METAP1: variants seen among roughly 807,000 people sequenced by gnomAD.
METAP1 encodes the protein methionyl aminopeptidase 1.
METAP1 carries 28 observed loss-of-function variants against 53.8 expected under a neutral mutation model. That is an observed-to-expected ratio of 0.52 (90% confidence interval 0.39 to 0.71). The LOEUF is 0.71. Among genes scored for constraint, METAP1 ranks in the 30% least tolerant of loss-of-function variants. The pLI is 0.00. For missense variants in METAP1, 389 were observed against 479.8 expected (o/e 0.81, Z 1.77); for synonymous variants, 181 against 165.7 (o/e 1.09, Z -0.71).
At chr4:99,032,004 G>A (rs1725074992) in intron 2 of METAP1, among the ~76,000 whole-genome samples, 1 of 152,160 alleles carries the variant, frequency 6.6e-6, no homozygotes. Context: ...ACCATCATCA[G>A]CTCAATTCAG....
chr4:99,022,238 G>T, intron 1 of METAP1: 1 of 447,548 alleles, frequency 2.2e-6, no homozygotes, highest in Non-Finnish European at 3.6e-6. Flanking sequence ...TGCCTGGGTA[G>T]TCATGATCAT....
intron 4 of METAP1, among the ~76,000 whole-genome samples, 193 bp downstream of exon 4, chr4:99,035,653 A>G (rs1488965451): frequency 1.3e-5 from 2 of 152,152 alleles, no homozygotes; most frequent in Non-Finnish European, 2.9e-5. Flanking sequence ...CTCTGAAAAC[A>G]CTATGTAGCT....
intron 1 of METAP1, chr4:99,026,279 C>T (rs969842036): frequency 2.2e-5 from 22 of 984,700 alleles, no homozygotes; most frequent in Non-Finnish European, 2.7e-5. Flanking sequence ...AAAGTTTTAC[C>T]TACTAGTTAT....
intron 5 of METAP1, 131 bp from the exon 6 acceptor site, chr4:99,040,908 TTATA>T (rs1444439588): frequency 3.3e-6 from 1 of 304,376 alleles, no homozygotes; most frequent in Non-Finnish European, 5.8e-6. Context: ...TATAATATAT[TTATA>T]TATTTTCTAT....
At chr4:99,000,319 A>G (rs1235690851) in intron 1 of METAP1, among the ~76,000 whole-genome samples, 1 of 152,164 alleles carries the variant, frequency 6.6e-6, no homozygotes, top group East Asian at 1.9e-4. Flanking sequence ...TAAGGCATAA[A>G]AGGTAGTAAG....
intron 10 of METAP1, among the ~76,000 whole-genome samples, chr4:99,060,085 T>TC (rs1236992204): frequency 6.6e-6 from 1 of 152,092 alleles, no homozygotes; most frequent in African/African-American, 2.4e-5. Flanking sequence ...CTAAATTCAT[T>TC]CAAGTTTTTT....
intron 9 of METAP1, among the ~76,000 whole-genome samples, chr4:99,054,049 T>C (rs1044055315): frequency 4.0e-5 from 6 of 149,848 alleles, no homozygotes; most frequent in Non-Finnish European, 8.8e-5. Context: ...TAGATGAGCA[T>C]TGGCTTCAAC....
At chr4:99,059,223 A>G (rs1278400873) in intron 10 of METAP1, among the ~76,000 whole-genome samples, 11 of 152,256 alleles carry the variant, frequency 7.2e-5, no homozygotes, top group Non-Finnish European at 1.5e-5. Flanking sequence ...TGGACTAGAA[A>G]GTCTCAAATC....
intron 1 of METAP1, chr4:99,025,443 T>A (rs1724491938): frequency 2.0e-6 from 2 of 985,342 alleles, no homozygotes; most frequent in East Asian, 1.1e-4. Context: ...TTCACAGTAC[T>A]GGAAATAAAT....
chr4:99,028,022 G>A (rs536150150), intron 1 of METAP1, among the ~76,000 whole-genome samples: 3 of 150,380 alleles, frequency 2.0e-5, no homozygotes, highest in Admixed American at 6.7e-5. Context: ...CTAGTTTTAT[G>A]TCTACAAAGA....
At chr4:99,042,849 G>C (rs1725977385) in intron 6 of METAP1, among the ~76,000 whole-genome samples, 1 of 151,896 alleles carries the variant, frequency 6.6e-6, no homozygotes, top group Non-Finnish European at 1.5e-5. Context: ...TTTGGATTTT[G>C]GAATATTTGT....
chr4:99,044,339 TTGAC>T (rs750791435), intron 7 of METAP1, among the ~76,000 whole-genome samples: 2 of 152,186 alleles, frequency 1.3e-5, no homozygotes, highest in Non-Finnish European at 2.9e-5. Flanking sequence ...CTGCAGATAA[TTGAC>T]TGATTGTGAT....
At chr4:98,996,320 C>T (rs1459509995) in intron 1 of METAP1, among the ~76,000 whole-genome samples, 1 of 152,198 alleles carries the variant, frequency 6.6e-6, no homozygotes, top group Non-Finnish European at 1.5e-5. Context: ...GGCGCCGGGC[C>T]GTCCGTCGGG....
chr4:98,998,116 T>C (rs1253348416), intron 1 of METAP1, among the ~76,000 whole-genome samples: 1 of 152,252 alleles, frequency 6.6e-6, no homozygotes, highest in Non-Finnish European at 1.5e-5. Context: ...TTACATTCTT[T>C]CCTTTCCGAA....
intron 1 of METAP1, among the ~76,000 whole-genome samples, chr4:99,028,439 A>G (rs1724740451): frequency 6.6e-6 from 1 of 152,222 alleles, no homozygotes; most frequent in African/African-American, 2.4e-5. Flanking sequence ...GCTGTGTCAC[A>G]TAGTAACTAC....
intron 6 of METAP1, among the ~76,000 whole-genome samples, chr4:99,041,671 C>G (rs999233576): frequency 6.6e-6 from 1 of 151,752 alleles, no homozygotes; most frequent in Non-Finnish European, 1.5e-5. Context: ...GTTAATATAA[C>G]ATATGGAAAG....
At chr4:99,050,832 C>T (rs1215210491) in intron 9 of METAP1, among the ~76,000 whole-genome samples, 1 of 152,136 alleles carries the variant, frequency 6.6e-6, no homozygotes, top group African/African-American at 2.4e-5. Flanking sequence ...CCTCAAAATC[C>T]TCCTGGTCTG....
chr4:99,052,910 C>T (rs1438455066), intron 9 of METAP1, among the ~76,000 whole-genome samples: 1 of 152,124 alleles, frequency 6.6e-6, no homozygotes, highest in African/African-American at 2.4e-5. Flanking sequence ...TGTAATATTC[C>T]AAATCTTTTG....
intron 1 of METAP1, among the ~76,000 whole-genome samples, chr4:98,998,462 G>C (rs1162325488): frequency 6.6e-6 from 1 of 152,204 alleles, no homozygotes; most frequent in Non-Finnish European, 1.5e-5. Flanking sequence ...GGTGGAGGTT[G>C]CAGTGAGCCG....
Sources: allele counts gnomAD v4.1 joint callset (sites outside exome capture counted in the v4.1 genomes callset), GRCh38; gene constraint gnomAD v4.1.1; transcripts MANE v1.5; gene names NCBI Gene and HGNC (gene_info 2026-07-23, HGNC 2026-07-21).